ZNF823: variants seen among roughly 807,000 people sequenced by gnomAD.
The protein encoded by ZNF823 is zinc finger protein 823.
ZNF823 carries 5 observed loss-of-function variants against 11.4 expected under a neutral mutation model. The observed-to-expected ratio is 0.44, with a 90% CI of 0.23 to 0.92. ZNF823 has a LOEUF of 0.92. ZNF823 is among the 40% of genes least tolerant of loss of function. The probability of loss-of-function intolerance (pLI) is 0.24; values close to 1 mark genes in which losing one functional copy is unlikely to be tolerated. For synonymous variants in ZNF823, 234 were observed against 250.5 expected (o/e 0.93, Z 0.62); for missense variants, 582 against 738.5 (o/e 0.79, Z 2.46).
intron 1 of ZNF823, among the ~76,000 whole-genome samples, chr19:11,737,933 G>C (rs1305122361): frequency 6.6e-6 from 1 of 152,146 alleles, no homozygotes; most frequent in African/African-American, 2.4e-5. Context: ...AGGGACTGGG[G>C]AACCCACAGA....
chr19:11,732,009 CAAAAAAAAAAA>C (rs34026773), intron 1 of ZNF823, among the ~76,000 whole-genome samples: 1 of 96,946 alleles, frequency 1.0e-5, no homozygotes, highest in South Asian at 3.2e-4. Flanking sequence ...AACTCCGTCT[CAAAAAAAAAAA>C]AAAAAAAAAT....
chr19:11,727,506 C>T (rs1269721517), intron 1 of ZNF823, among the ~76,000 whole-genome samples: 2 of 152,044 alleles, frequency 1.3e-5, no homozygotes, highest in East Asian at 3.9e-4. Flanking sequence ...GAGACTCCAT[C>T]TCAAAACAAA....
At position 11,721,689 on chromosome 19, in the gene ZNF823, C is replaced by A. The variant is rs774784044; in HGVS notation, c.*12G>T. The A allele has an allele frequency of 1.4e-5, 22 of 1,581,776 alleles. No homozygotes were observed. The highest frequency in any genetic ancestry group is 1.8e-5 in the Non-Finnish European group (21 of 1,165,358). On this transcript the variant is annotated 3_prime_UTR_variant, in exon 4 of 4. Coordinates refer to ENST00000341191, the MANE Select transcript of ZNF823 (RefSeq NM_001080493.4). ...AATTAAAGTACTGAATGTTTTCCCA[C>A]ATTCCATACATTTAGAGAGTATCTT...
intron 1 of ZNF823, among the ~76,000 whole-genome samples, chr19:11,735,229 C>T (rs930101959): frequency 4.1e-5 from 6 of 145,890 alleles, no homozygotes; most frequent in Non-Finnish European, 8.9e-5. Context: ...GAGCTGAGAT[C>T]ACGCCACTGC....
intron 1 of ZNF823, among the ~76,000 whole-genome samples, chr19:11,738,597 C>T (rs1975039131): frequency 6.6e-6 from 1 of 152,256 alleles, no homozygotes; most frequent in Non-Finnish European, 1.5e-5. Flanking sequence ...GCCGGGGCCG[C>T]AGCGGCCGAG....
Position 11,721,889 on chromosome 19 carries a change from G to A in ZNF823, c.1645C>T (p.His549Tyr). The change falls in exon 4 of 4, where the codon CAC (histidine) becomes TAC (tyrosine). Residue 549 changes from histidine to tyrosine, a missense_variant. Transcript: ENST00000341191. ...CATTCATAGGGTTTCTCTCCAGTGT[G>A]AATTCTTTCATGTCGTAGAAGGCAA... ...LTCLLRHERI[H>Y]TGEKPYECLQ... is the part of the protein sequence containing the mutation. 1.9e-6 allele frequency: 3 copies of A among 1,614,100 alleles called. No individual in the cohort carries two copies. The highest frequency in any genetic ancestry group is 2.5e-6 in the Non-Finnish European group (3 of 1,180,010).
rs779222336 is a variant in ZNF823, at chr19:11,721,805, G to A, written c.1729C>T (p.His577Tyr). ...CATTCATACAGCTTCTCTCCAGTGT[G>A]AGTTTTTTCATGTCCTCGAAGGAAA... ...SRFLRGHEKT[H>Y]TGEKLYECKE... Residue 577 changes from histidine to tyrosine, a missense_variant, in exon 4 of 4, where the codon CAC (histidine) becomes TAC (tyrosine). By Grantham distance (83) the His-to-Tyr change is moderately conservative. Around this residue, in one of 3 missense-constraint regions of ZNF823, gnomAD observed 144 missense variants for 154.3 expected, o/e 0.93. Transcript: ENST00000341191. 1.2e-6 allele frequency: 2 copies of A among 1,614,034 alleles called. No individual in the cohort carries two copies. The highest frequency in any genetic ancestry group is 1.3e-5 in the African/African-American group (1 of 74,918).
At chr19:11,730,663 T>C (rs544224865) in intron 1 of ZNF823, 1 of 152,132 alleles carries the variant, frequency 6.6e-6, no homozygotes, top group Non-Finnish European at 1.5e-5. Context: ...TCAACACCGA[T>C]GTTAATCAGT....
chr19:11,737,583 T>TTA (rs1975016938), intron 1 of ZNF823, among the ~76,000 whole-genome samples: 1 of 80,552 alleles, frequency 1.2e-5, no homozygotes, highest in African/African-American at 3.7e-5. Flanking sequence ...TTTTTTTTTT[T>TTA]CACACTGGAG....
intron 1 of ZNF823, among the ~76,000 whole-genome samples, chr19:11,728,117 T>C (rs1016695134): frequency 2.0e-5 from 3 of 152,098 alleles, no homozygotes; most frequent in Non-Finnish European, 4.4e-5. Flanking sequence ...GACCTCGTAA[T>C]CCGCCCGCCT....
intron 1 of ZNF823, among the ~76,000 whole-genome samples, chr19:11,734,456 G>C (rs2145221106): frequency 1.3e-5 from 2 of 152,156 alleles, no homozygotes; most frequent in Admixed American, 1.3e-4. Flanking sequence ...CACCAACCAG[G>C]CTGCACAAAA....
At position 11,723,064 on chromosome 19, in the gene ZNF823, G is replaced by T; in HGVS notation, c.470C>A (p.Pro157His). 1 of 1,614,126 alleles carries T rather than the reference G, an allele frequency of 6.2e-7. No individual in the cohort carries two copies. Among genetic ancestry groups the T allele is most frequent in the Non-Finnish European group, 8.5e-7 (1 of 1,180,010 alleles). The change falls in exon 4 of 4, where the codon CCC becomes CAC. Residue 157 changes from proline to histidine, a missense_variant. Pro to His is a moderately conservative substitution (Grantham distance 77). Around this residue, in one of 3 missense-constraint regions of ZNF823, gnomAD observed 429 missense variants for 553.7 expected, o/e 0.77. Transcript: ENST00000341191. ...ATCGAAGGGTTTCTTTCCGGTGGGG[G>T]GCCTTTCATGTGTCTGGAAGGAGTG... ...HQHSFQTHERPPTGKKPFDCK... is the reference protein window; with the variant it reads ...HQHSFQTHERHPTGKKPFDCK...
chr19:11,731,051 G>A (rs1039187781), intron 1 of ZNF823, among the ~76,000 whole-genome samples: 14 of 149,940 alleles, frequency 9.3e-5, no homozygotes, highest in Admixed American at 3.3e-4. Flanking sequence ...GGTGGCTCAC[G>A]CCTGTAATCC....
rs750078270 is a variant in ZNF823 at position 11,721,748 on chromosome 19, G to A, written c.1786C>T (p.Arg596Cys). Residue 596 changes from arginine (R) to cysteine (C), a missense_variant, in exon 4 of 4, where the codon CGT becomes TGT. Arg to Cys is a radical substitution (Grantham distance 180, BLOSUM62 -3). Coordinates refer to ENST00000341191, the MANE Select transcript of ZNF823 (RefSeq NM_001080493.4). ...KECGKALSSLRSLHRHKRTHW... is the reference protein window; with the variant it reads ...KECGKALSSLCSLHRHKRTHW... ...GTCCTTTTATGTCTATGCAAGGAAC[G>A]GAGAGAACTCAATGCTTTCCCACAT... 1.1e-5 allele frequency: 18 copies of A among 1,613,940 alleles called. No homozygotes were observed. Among genetic ancestry groups the A allele is most frequent in the South Asian group, 9.9e-5 (9 of 91,050 alleles).
In ZNF823 at chr19:11,721,635, C is replaced by A. The variant is rs1250665360; in HGVS notation, c.*66G>T. ...CCATGTTTACATTCATAGGGTCTATCTCCAAAGTGAGTTCTTTCAAGTTTC... is the reference window on the plus strand; with the variant it reads ...CCATGTTTACATTCATAGGGTCTATATCCAAAGTGAGTTCTTTCAAGTTTC... On this transcript the variant is annotated 3_prime_UTR_variant, in exon 4 of 4. Transcript: ENST00000341191. The A allele has an allele frequency of 2.0e-6, 3 of 1,473,580 alleles. No homozygotes were observed. Among genetic ancestry groups the A allele is most frequent in the Non-Finnish European group, 9.2e-7 (1 of 1,091,556 alleles). The allele number at this position is 1,473,580 out of a possible 1,614,324, so 91.3% of individuals were successfully genotyped here. A position where few individuals can be genotyped will look rare whatever the true frequency, so the allele number is the denominator to read the frequency against.
intron 1 of ZNF823, among the ~76,000 whole-genome samples, chr19:11,733,761 T>C (rs1013023190): frequency 6.6e-6 from 1 of 152,150 alleles, no homozygotes; most frequent in Non-Finnish European, 1.5e-5. Context: ...AACTCTCAGA[T>C]TCATAAACCC....
Position 11,725,193 on chromosome 19 carries a change from AT to A in ZNF823, c.130+7del. The A allele has an allele frequency of 6.2e-7, 1 of 1,610,358 alleles. No individual in the cohort carries two copies. The highest frequency in any genetic ancestry group is 8.5e-7 in the Non-Finnish European group (1 of 1,178,862). On this transcript the variant is annotated splice_region_variant and intron_variant, in intron 2 of 3. Transcript: ENST00000341191. ...ATTGACTAAGTGAAGAGATGATGTC[AT>A]CCTTACCTATACAGTCCAGGTTCCT...
intron 3 of ZNF823, 63 bp from the exon 4 acceptor site, chr19:11,723,405 G>C: frequency 7.7e-7 from 1 of 1,301,532 alleles, no homozygotes; most frequent in Middle Eastern, 2.2e-4. Flanking sequence ...ATATATTGAA[G>C]TACTAGATTT....
intron 1 of ZNF823, among the ~76,000 whole-genome samples, chr19:11,731,028 C>T (rs867686227): frequency 4.0e-5 from 6 of 151,270 alleles, no homozygotes; most frequent in Middle Eastern, 3.5e-3. Context: ...AAAAACCGCC[C>T]GCAGCCGGGT....
Sources: allele counts gnomAD v4.1 joint callset (sites outside exome capture counted in the v4.1 genomes callset), GRCh38; gene constraint gnomAD v4.1.1; regional missense constraint gnomAD v4.1.1; transcripts MANE v1.5; gene names NCBI Gene and HGNC (gene_info 2026-07-23, HGNC 2026-07-21).